The following FAM227B variants were observed in gnomAD, a reference collection of about 807,000 sequenced individuals.
FAM227B encodes family with sequence similarity 227 member B.
Under a neutral mutation model 73.8 loss-of-function variants are expected in FAM227B, and 88 were observed. The observed-to-expected ratio is 1.19, with a 90% confidence interval of 1.00 to 1.42. The LOEUF (loss-of-function observed/expected upper bound fraction) is 1.42, where lower values mean the gene tolerates loss of function less well. FAM227B is among the 40% of genes most tolerant of loss of function. The pLI is 0.00. For synonymous variants in FAM227B, 210 were observed against 190.5 expected (o/e 1.10, Z -0.84); for missense variants, 632 against 590.9 (o/e 1.07, Z -0.72).
chr15:49,552,972 C>T (rs2073210752), intron 9 of FAM227B, among the ~76,000 whole-genome samples: 1 of 152,076 alleles, frequency 6.6e-6, no homozygotes, highest in Non-Finnish European at 1.5e-5. Context: ...GTCCCTGGTG[C>T]CTTATTTAGT....
At chr15:49,408,945 T>C (rs923076315) in intron 11 of FAM227B, among the ~76,000 whole-genome samples, 3 of 152,156 alleles carry the variant, frequency 2.0e-5, no homozygotes, top group Non-Finnish European at 4.4e-5. Flanking sequence ...AATGAATGAG[T>C]ATATAAATTC....
intron 11 of FAM227B, among the ~76,000 whole-genome samples, chr15:49,405,003 A>C (rs920621046): frequency 6.6e-6 from 1 of 152,022 alleles, no homozygotes; most frequent in African/African-American, 2.4e-5. Context: ...TTTCTCCCTC[A>C]CTTATGGAGC....
intron 11 of FAM227B, among the ~76,000 whole-genome samples, chr15:49,462,837 A>G (rs1051362364): frequency 1.3e-5 from 2 of 152,192 alleles, no homozygotes; most frequent in East Asian, 3.8e-4. Context: ...CTGAAAGATT[A>G]TTGATAAATT....
chr15:49,493,009 T>C, intron 11 of FAM227B, among the ~76,000 whole-genome samples: 1 of 151,916 alleles, frequency 6.6e-6, no homozygotes, highest in East Asian at 1.9e-4. Flanking sequence ...ATTTTAGTGG[T>C]GACTGTGTCC....
rs554388302 is a variant in FAM227B, at chr15:49,357,882, A to G, written c.1271+9566T>C. ...AATCCAGCAGCCCATCAAAAAGCTT[A>G]TCCACCATGATCAAGTGGGCTTCAT... On this transcript the variant is annotated intron_variant, in intron 13 of 15. Coordinates refer to ENST00000299338, the MANE Select transcript of FAM227B (RefSeq NM_152647.3). 4.6e-5 allele frequency among the ~76,000 whole-genome samples: 7 copies of G among 152,132 alleles called. No homozygotes were observed. The East Asian group carries it at 1.2e-3, about 25-fold the overall frequency.
intron 3 of FAM227B, among the ~76,000 whole-genome samples, chr15:49,593,768 G>T (rs568380658): frequency 1.3e-5 from 2 of 152,256 alleles, no homozygotes; most frequent in East Asian, 3.9e-4. Flanking sequence ...GCCATTATTT[G>T]GTTCCTTTTT....
chr15:49,544,417 T>C (rs73404106), intron 9 of FAM227B, among the ~76,000 whole-genome samples: 4,363 of 152,228 alleles, frequency 0.029, 218 homozygotes, highest in African/African-American at 0.1. Context: ...ATGAAGACTT[T>C]AGGGTTTTCT....
intron 3 of FAM227B, among the ~76,000 whole-genome samples, chr15:49,602,678 G>A (rs954172789): frequency 6.6e-6 from 1 of 152,062 alleles, no homozygotes; most frequent in African/African-American, 2.4e-5. Context: ...TGTTTGCTTT[G>A]GTTGCCTGTG....
At position 49,327,526 on chromosome 15, in the gene FAM227B, T is replaced by A. The variant is rs559909237; in HGVS notation, c.*1042A>T. ...TTGTATAAGACTGTACATTTTAAAT[T>A]TTGATTTGTCCTCATTTGGAGTGAC... On this transcript the variant is annotated 3_prime_UTR_variant, in exon 16 of 16. Transcript: ENST00000299338. The A allele has an allele frequency of 6.5e-6, 1 of 154,826 alleles. No homozygotes were observed. Among genetic ancestry groups the A allele is most frequent in the South Asian group, 2.0e-4 (1 of 4,974 alleles). The allele number at this position is 154,826 out of a possible 1,614,324, so 9.6% of individuals were successfully genotyped here.
At chr15:49,448,076 A>C (rs2052387762) in intron 11 of FAM227B, among the ~76,000 whole-genome samples, 1 of 151,756 alleles carries the variant, frequency 6.6e-6, no homozygotes, top group African/African-American at 2.4e-5. Flanking sequence ...TAACAAACTT[A>C]TCAGAACTTC....
chr15:49,380,531 G>A (rs1293056575), intron 11 of FAM227B, among the ~76,000 whole-genome samples: 1 of 151,982 alleles, frequency 6.6e-6, no homozygotes, highest in East Asian at 1.9e-4. Flanking sequence ...ATAAAAGAAG[G>A]TTATGTCTCT....
At chr15:49,337,314 G>A (rs1017473875) in intron 13 of FAM227B, among the ~76,000 whole-genome samples, 1 of 152,122 alleles carries the variant, frequency 6.6e-6, no homozygotes, top group Non-Finnish European at 1.5e-5. Flanking sequence ...CACCAACAAT[G>A]TATAAGCTTT....
At chr15:49,604,746 G>C (rs2077404571) in intron 3 of FAM227B, among the ~76,000 whole-genome samples, 1 of 151,168 alleles carries the variant, frequency 6.6e-6, no homozygotes, top group Admixed American at 6.6e-5. Context: ...TTCATTCTAT[G>C]TTTTTGTTCC....
At chr15:49,345,903 TTGAG>T (rs1338560936) in intron 13 of FAM227B, among the ~76,000 whole-genome samples, 2 of 152,176 alleles carry the variant, frequency 1.3e-5, no homozygotes, top group Non-Finnish European at 2.9e-5. Flanking sequence ...CTTTGAGAGA[TTGAG>T]TGTGTGTGAG....
At chr15:49,505,502 T>C (rs62009985) in intron 11 of FAM227B, among the ~76,000 whole-genome samples, 49,357 of 151,838 alleles carry the variant, frequency 0.33, 8,750 homozygotes, top group African/African-American at 0.45. Context: ...TATTTGACAA[T>C]AGCAAAAAAG....
At chr15:49,535,676 C>A (rs2060955043) in intron 10 of FAM227B, among the ~76,000 whole-genome samples, 1 of 151,700 alleles carries the variant, frequency 6.6e-6, no homozygotes, top group Non-Finnish European at 1.5e-5. Context: ...AAGATATTAG[C>A]AAACCAAATT....
chr15:49,437,338 T>A (rs1007089593), intron 11 of FAM227B, among the ~76,000 whole-genome samples: 1 of 151,652 alleles, frequency 6.6e-6, no homozygotes, highest in Non-Finnish European at 1.5e-5. Context: ...TTAACAAGCA[T>A]GTCTGAAGGA....
intron 11 of FAM227B, among the ~76,000 whole-genome samples, chr15:49,403,925 C>T (rs1191536810): frequency 2.0e-5 from 3 of 151,984 alleles, no homozygotes; most frequent in Admixed American, 1.3e-4. Context: ...TTAACACTGC[C>T]GTAGCTGTGT....
chr15:49,349,371 T>C (rs1165170226), intron 13 of FAM227B, among the ~76,000 whole-genome samples: 1 of 152,134 alleles, frequency 6.6e-6, no homozygotes, highest in Non-Finnish European at 1.5e-5. Context: ...AGGAATAAAC[T>C]AGCAATTTAC....
Sources: gnomAD v4.1 joint callset for allele counts (sites outside exome capture counted in the v4.1 genomes callset) on GRCh38, gnomAD v4.1.1 for gene constraint, MANE v1.5 for transcripts, NCBI Gene and HGNC (gene_info 2026-07-23, HGNC 2026-07-21) for gene names.